The following RABGAP1L variants were observed in gnomAD, a reference collection of about 807,000 sequenced individuals.
RABGAP1L encodes the protein RAB GTPase activating protein 1 like.
In RABGAP1L, 63 loss-of-function variants were observed where a neutral mutation model predicts 137.7. The observed-to-expected ratio is 0.46, with a 90% CI of 0.37 to 0.56. The LOEUF (loss-of-function observed/expected upper bound fraction) is 0.56, where lower values mean the gene tolerates loss of function less well. RABGAP1L is among the 20% of genes least tolerant of loss of function. RABGAP1L has a pLI of 0.00. For missense variants in RABGAP1L, 1,095 were observed against 1,244.0 expected (o/e 0.88, Z 1.80); for synonymous variants, 431 against 433.7 (o/e 0.99, Z 0.08).
At chr1:174,499,865 G>A (rs1661096324) in intron 13 of RABGAP1L, among the ~76,000 whole-genome samples, 1 of 152,006 alleles carries the variant, frequency 6.6e-6, no homozygotes, top group South Asian at 2.1e-4. Context: ...CTGTTCCTGG[G>A]ACTCTCTTTT....
chr1:174,376,662 A>C (rs1685572673), intron 12 of RABGAP1L, among the ~76,000 whole-genome samples: 1 of 152,204 alleles, frequency 6.6e-6, no homozygotes, highest in African/African-American at 2.4e-5. Flanking sequence ...ATTTAAAAAA[A>C]CCAAAAAACA....
chr1:174,853,668 T>A (rs1648769441), intron 19 of RABGAP1L, among the ~76,000 whole-genome samples: 1 of 151,904 alleles, frequency 6.6e-6, no homozygotes, highest in Non-Finnish European at 1.5e-5. Flanking sequence ...GAGGTGGAGG[T>A]TGCGGTGAGC....
At chr1:174,746,961 T>A (rs1246901979) in intron 17 of RABGAP1L, among the ~76,000 whole-genome samples, 1 of 152,222 alleles carries the variant, frequency 6.6e-6, no homozygotes, top group African/African-American at 2.4e-5. Context: ...ATAATATGTT[T>A]ACTTATTTTT....
In RABGAP1L at chr1:174,219,043, A is replaced by G. The variant is rs535350086; in HGVS notation, c.-33-82A>G. On this transcript the variant is annotated intron_variant, in intron 1 of 25. Coordinates refer to ENST00000681986, the MANE Select transcript of RABGAP1L (RefSeq NM_001366446.1). ...ATTCTTCTTCACATAAACCATTTTTAAAGCTTTATTAGTTCATGTTTTTAA... is the reference window on the plus strand; with the variant it reads ...ATTCTTCTTCACATAAACCATTTTTGAAGCTTTATTAGTTCATGTTTTTAA... The G allele has an allele frequency of 2.2e-5, 24 of 1,085,198 alleles. No individual in the cohort carries two copies. In the Admixed American group the frequency reaches 5.3e-4, roughly 24 times the overall value. 67.2% of individuals were successfully genotyped at this position (1,085,198 alleles called of 1,614,324 possible). A position where few individuals can be genotyped will look rare whatever the true frequency, so the allele number is the denominator to read the frequency against.
At chr1:174,688,499 C>T (rs879684230) in intron 15 of RABGAP1L, among the ~76,000 whole-genome samples, 7 of 151,978 alleles carry the variant, frequency 4.6e-5, no homozygotes, top group Admixed American at 3.3e-4. Context: ...CAATTCCTTT[C>T]GAAACCAATT....
chr1:174,479,503 A>G (rs1028073415), intron 13 of RABGAP1L, among the ~76,000 whole-genome samples: 1 of 152,178 alleles, frequency 6.6e-6, no homozygotes, highest in Non-Finnish European at 1.5e-5. Flanking sequence ...TGAGAAACTG[A>G]TACTTTAAAG....
rs77893718 is a variant in RABGAP1L at position 174,809,461 on chromosome 1, G to C, written c.2212-2371G>C. ...TGAGAATGTAGGATTCCTCATTCTT[G>C]ATACCAATCTATCTGCTTTTGTATG... On this transcript the variant is annotated intron_variant, in intron 18 of 25. Coordinates refer to ENST00000681986, the MANE Select transcript of RABGAP1L (RefSeq NM_001366446.1). 8.2e-3 allele frequency among the ~76,000 whole-genome samples: 1,249 copies of C among 152,254 alleles called. 18 individuals carry two copies. The highest frequency in any genetic ancestry group is 0.029 in the African/African-American group (1,198 of 41,526).
intron 17 of RABGAP1L, among the ~76,000 whole-genome samples, chr1:174,737,629 C>T (rs910221844): frequency 6.6e-5 from 10 of 151,970 alleles, no homozygotes; most frequent in African/African-American, 2.4e-4. Context: ...CAACCCCTCA[C>T]TCCTTGGTAC....
At position 174,778,959 on chromosome 1, in the gene RABGAP1L, G is replaced by A. The variant is rs571148218; in HGVS notation, c.2211+26605G>A. Among the ~76,000 whole-genome samples the A allele has an allele frequency of 4.6e-5, 7 of 152,248 alleles. No individual in the cohort carries two copies. In the East Asian group the frequency reaches 1.3e-3, roughly 29 times the overall value. On this transcript the variant is annotated intron_variant, in intron 18 of 25. Coordinates refer to ENST00000681986, the MANE Select transcript of RABGAP1L (RefSeq NM_001366446.1). ...GTCGTAAATACACTTTTCAAAAAAA[G>A]TAATTTCTAATTTTTGTCCTAACCC...
chr1:174,516,828 G>A (rs1335307693), intron 13 of RABGAP1L, among the ~76,000 whole-genome samples: 1 of 151,954 alleles, frequency 6.6e-6, no homozygotes, highest in Non-Finnish European at 1.5e-5. Flanking sequence ...TTGGGAGGCT[G>A]AGGCAGGAGA....
chr1:174,378,661 A>G (rs1288235746), intron 12 of RABGAP1L, among the ~76,000 whole-genome samples: 1,255 of 150,904 alleles, frequency 8.3e-3, no homozygotes, highest in African/African-American at 0.029. Context: ...AATTTGTTTG[A>G]GTTCATTGTA....
At chr1:174,233,674 A>G (rs1176168547) in intron 4 of RABGAP1L, among the ~76,000 whole-genome samples, 1 of 131,118 alleles carries the variant, frequency 7.6e-6, no homozygotes, top group Non-Finnish European at 1.5e-5. Flanking sequence ...ATTGTTGGAC[A>G]TTTGGGTTGG....
chr1:174,171,047 G>C (rs568738768), intron 1 of RABGAP1L, among the ~76,000 whole-genome samples: 7 of 152,282 alleles, frequency 4.6e-5, no homozygotes, highest in Non-Finnish European at 1.0e-4. Flanking sequence ...GTGAAAGGTA[G>C]AGGAATGCAG....
intron 22 of RABGAP1L, 50 bp downstream of exon 22, chr1:174,976,232 G>C: frequency 7.3e-7 from 1 of 1,367,996 alleles, no homozygotes; most frequent in Non-Finnish European, 1.0e-6. Flanking sequence ...TGTTGGTAGG[G>C]AATTAACACT....
At chr1:174,647,579 C>G (rs971929324) in intron 14 of RABGAP1L, among the ~76,000 whole-genome samples, 4 of 151,798 alleles carry the variant, frequency 2.6e-5, no homozygotes, top group African/African-American at 9.7e-5. Flanking sequence ...GGTGGATAAG[C>G]TTTTTCATTT....
chr1:174,184,955 C>G (rs1666686337), intron 1 of RABGAP1L, among the ~76,000 whole-genome samples: 2 of 152,174 alleles, frequency 1.3e-5, no homozygotes, highest in Non-Finnish European at 2.9e-5. Context: ...TAAGAAGATG[C>G]TCAACCTCTA....
intron 19 of RABGAP1L, among the ~76,000 whole-genome samples, chr1:174,826,221 A>G (rs993600356): frequency 6.6e-6 from 1 of 152,012 alleles, no homozygotes; most frequent in African/African-American, 2.4e-5. Context: ...AGAAAAGGTG[A>G]TTTCAGTTTT....
chr1:174,888,818 T>G (rs763930464), intron 19 of RABGAP1L, among the ~76,000 whole-genome samples: 9 of 152,048 alleles, frequency 5.9e-5, no homozygotes, highest in Non-Finnish European at 8.8e-5. Flanking sequence ...TTTTTACCAT[T>G]GTATTTCCAG....
intron 18 of RABGAP1L, among the ~76,000 whole-genome samples, chr1:174,805,569 T>A (rs542883226): frequency 1.1e-4 from 17 of 152,330 alleles, no homozygotes; most frequent in African/African-American, 3.1e-4. Context: ...TGGCATGATC[T>A]CGGTTCACTG....
Sources: gnomAD v4.1 joint callset for allele counts (sites outside exome capture counted in the v4.1 genomes callset) on GRCh38, gnomAD v4.1.1 for gene constraint, MANE v1.5 for transcripts, NCBI Gene and HGNC (gene_info 2026-07-23, HGNC 2026-07-21) for gene names.